Variants in SPAG16 observed in about 807,000 individuals in gnomAD.
SPAG16 encodes sperm-associated antigen 16 protein.
A neutral mutation model predicts 80.4 loss-of-function variants in SPAG16; 86 were observed. That is an observed-to-expected ratio of 1.07 (90% confidence interval 0.90 to 1.28). The LOEUF is 1.28. SPAG16 is among the 50% of genes most tolerant of loss of function. The probability of loss-of-function intolerance (pLI) is 0.00; values close to 1 mark genes in which losing one functional copy is unlikely to be tolerated. For synonymous variants in SPAG16, 294 were observed against 265.9 expected, an observed-to-expected ratio of 1.11 and a Z score of -1.03; for missense variants, 870 against 765.3, an observed-to-expected ratio of 1.14 and a Z score of -1.61.
chr2:213,889,689 A>ACATATATATACACATATATATACATATG (rs2076708599), intron 11 of SPAG16, among the ~76,000 whole-genome samples: 4 of 146,316 alleles, frequency 2.7e-5, no homozygotes, highest in Admixed American at 1.4e-4. Context: ...ATATACATAT[A>ACATATATATACACATATATATACATATG]CATATATATA....
chr2:214,154,766 A>T (rs967264529), intron 15 of SPAG16, among the ~76,000 whole-genome samples: 1 of 151,950 alleles, frequency 6.6e-6, no homozygotes, highest in Admixed American at 6.6e-5. Context: ...TGAGCCTCAG[A>T]TTTTTTTTGT....
At chr2:213,932,252 C>G (rs537940050) in intron 12 of SPAG16, among the ~76,000 whole-genome samples, 1 of 144,890 alleles carries the variant, frequency 6.9e-6, no homozygotes, top group Non-Finnish European at 1.5e-5. Context: ...GTTCTGTCAC[C>G]CAGGCTAGAG....
intron 10 of SPAG16, among the ~76,000 whole-genome samples, chr2:213,836,174 T>TCA (rs759077619): frequency 1.2e-5 from 1 of 84,272 alleles, no homozygotes; most frequent in South Asian, 8.2e-4. Context: ...TTTTCATTAT[T>TCA]CGCCCCCCCC....
At chr2:214,165,277 G>C (rs2056600394) in intron 15 of SPAG16, among the ~76,000 whole-genome samples, 1 of 151,836 alleles carries the variant, frequency 6.6e-6, no homozygotes, top group Admixed American at 6.6e-5. Context: ...CTGGAACTTT[G>C]AAGTAATGTG....
At chr2:213,522,654 A>G (rs2125853775) in intron 10 of SPAG16, among the ~76,000 whole-genome samples, 1 of 152,292 alleles carries the variant, frequency 6.6e-6, no homozygotes, top group Non-Finnish European at 1.5e-5. Context: ...ACACCCCAAC[A>G]CTGGGCAGCA....
Position 214,072,340 on chromosome 2 carries a change from A to G in SPAG16, c.1528-35856A>G, listed in dbSNP as rs147975967. On this transcript the variant is annotated intron_variant, in intron 13 of 15. Coordinates refer to ENST00000331683, the MANE Select transcript of SPAG16 (RefSeq NM_024532.5). ...CTATTTCTGATCTTTCTAATGCCCA[A>G]ATGAATGTTGTATTGTTTCAAAGTT... 1.1e-3 allele frequency among the ~76,000 whole-genome samples: 172 copies of G among 152,278 alleles called. 1 individual carries two copies. Among genetic ancestry groups the G allele is most frequent in the African/African-American group, 4.0e-3 (168 of 41,570 alleles).
At chr2:214,073,352 C>T (rs1435267606) in intron 13 of SPAG16, among the ~76,000 whole-genome samples, 1 of 151,842 alleles carries the variant, frequency 6.6e-6, no homozygotes, top group Admixed American at 6.6e-5. Context: ...ACTCTCCTGC[C>T]TCAGCCTCCT....
chr2:213,529,420 A>C (rs2075994593), intron 10 of SPAG16, among the ~76,000 whole-genome samples: 1 of 152,182 alleles, frequency 6.6e-6, no homozygotes, highest in Non-Finnish European at 1.5e-5. Flanking sequence ...GACTTTAGGG[A>C]GAAAGGTGAA....
chr2:213,756,296 C>G (rs1179684554), intron 10 of SPAG16, among the ~76,000 whole-genome samples: 1 of 152,090 alleles, frequency 6.6e-6, no homozygotes, highest in Non-Finnish European at 1.5e-5. Flanking sequence ...GCCTGGCCAA[C>G]GTGGTAAAAC....
intron 10 of SPAG16, among the ~76,000 whole-genome samples, chr2:213,616,383 C>T (rs1299336411): frequency 1.3e-5 from 2 of 152,210 alleles, no homozygotes; most frequent in South Asian, 2.1e-4. Flanking sequence ...TGCTACTCTG[C>T]AGGAGGCCTT....
At chr2:213,444,420 A>G (rs58828682) in intron 9 of SPAG16, among the ~76,000 whole-genome samples, 14,818 of 152,230 alleles carry the variant, frequency 0.097, 1,881 homozygotes, top group African/African-American at 0.29. Context: ...CCTATAAATA[A>G]CTGTTTACTT....
chr2:213,414,618 A>G (rs1346348763), intron 9 of SPAG16, among the ~76,000 whole-genome samples: 1 of 152,212 alleles, frequency 6.6e-6, no homozygotes, highest in Non-Finnish European at 1.5e-5. Flanking sequence ...TTAATGTAAC[A>G]TAAAAGTGAT....
At chr2:213,915,570 A>C (rs1190727946) in intron 11 of SPAG16, among the ~76,000 whole-genome samples, 1 of 152,116 alleles carries the variant, frequency 6.6e-6, no homozygotes, top group Non-Finnish European at 1.5e-5. Flanking sequence ...GCTATTGTGA[A>C]TAGTGCTGCA....
intron 15 of SPAG16, among the ~76,000 whole-genome samples, chr2:214,156,619 C>T (rs1257933241): frequency 6.6e-6 from 1 of 151,948 alleles, no homozygotes. Context: ...TTCTACAGAA[C>T]ATTTTAAAAA....
chr2:214,155,159 C>G (rs1299335178), intron 15 of SPAG16, among the ~76,000 whole-genome samples: 1 of 152,130 alleles, frequency 6.6e-6, no homozygotes. Flanking sequence ...AACTGGAGAT[C>G]TGCAGAGTCC....
intron 15 of SPAG16, among the ~76,000 whole-genome samples, chr2:214,295,386 T>C (rs1157425282): frequency 6.6e-6 from 1 of 152,152 alleles, no homozygotes; most frequent in East Asian, 1.9e-4. Context: ...TAGCTAGCAT[T>C]TATTAAGCGT....
intron 7 of SPAG16, 27 bp from the exon 8 acceptor site, chr2:213,364,049 T>C: frequency 8.0e-7 from 1 of 1,244,690 alleles, no homozygotes; most frequent in Non-Finnish European, 1.1e-6. Flanking sequence ...AGTGTATAAT[T>C]TCATTTCTTT....
At chr2:213,542,982 T>C (rs2076501592) in intron 10 of SPAG16, among the ~76,000 whole-genome samples, 1 of 152,030 alleles carries the variant, frequency 6.6e-6, no homozygotes. Flanking sequence ...TTGGTAGATA[T>C]CCAGCCAGAC....
rs75130947 is a variant in SPAG16 at position 213,437,488 on chromosome 2, C to A, written c.943-52475C>A. On this transcript the variant is annotated intron_variant, in intron 9 of 15. Transcript: ENST00000331683. Reference sequence around the variant, plus strand: ...ATCCTCCTGCATTTTAAAGTAGTTTCCTAAAAAAATCTTTTGCCTCTAAAT... The same window carrying A: ...ATCCTCCTGCATTTTAAAGTAGTTTACTAAAAAAATCTTTTGCCTCTAAAT... Among the ~76,000 whole-genome samples the A allele has an allele frequency of 8.5e-3, 1,298 of 152,226 alleles. 8 individuals carry two copies. The highest frequency in any genetic ancestry group is 0.013 in the Non-Finnish European group (868 of 68,002).
Sources: allele counts gnomAD v4.1 joint callset (sites outside exome capture counted in the v4.1 genomes callset), GRCh38; gene constraint gnomAD v4.1.1; transcripts MANE v1.5; gene names NCBI Gene and HGNC (gene_info 2026-07-23, HGNC 2026-07-21).